The following UBXN11 variants were observed in gnomAD, a reference collection of about 807,000 sequenced individuals.
UBXN11 encodes UBX domain-containing protein 11.
Under a neutral mutation model 62.8 loss-of-function variants are expected in UBXN11, and 47 were observed. That is an observed-to-expected ratio of 0.75 (90% CI 0.59 to 0.95). UBXN11 has a LOEUF of 0.95. Ranked by LOEUF, UBXN11 falls within the 40% of genes least tolerant of loss-of-function variation. The pLI, the probability that UBXN11 is intolerant of heterozygous loss-of-function variation, is 0.00. For missense variants in UBXN11, 638 were observed against 661.7 expected (o/e 0.96, Z 0.39); for synonymous variants, 294 against 267.0 (o/e 1.10, Z -0.99).
In UBXN11 at chr1:26,285,431, C is replaced by T. The variant is rs145375355; in HGVS notation, c.852+33G>A. On this transcript the variant is annotated intron_variant, in intron 10 of 14. Transcript: ENST00000374222. ...GTGTATCCCCACTCCCTTCAAAATC[C>T]CCAAAGGTGTGGTTTGAGGAGCAGC... 4 of 1,603,360 alleles carry T rather than the reference C, an allele frequency of 2.5e-6. No individual in the cohort carries two copies. In the South Asian group the frequency reaches 4.5e-5, roughly 18 times the overall value.
At chr1:26,287,065 C>T (rs1406495861) in intron 8 of UBXN11, among the ~76,000 whole-genome samples, 1 of 152,004 alleles carries the variant, frequency 6.6e-6, no homozygotes, top group African/African-American at 2.4e-5. Flanking sequence ...AAAAATGACT[C>T]GTCCCAAGCC....
In UBXN11 at chr1:26,301,205, A is replaced by G. The variant is rs546488733; in HGVS notation, c.101-181T>C. On this transcript the variant is annotated intron_variant, in intron 3 of 14. Transcript: ENST00000374222. Reference sequence around the variant, plus strand: ...AATGGGGCTGTTTTGGAGTTCTTCCAGTCCTGCTCCCAGGGGGACTGGCAT... The same window carrying G: ...AATGGGGCTGTTTTGGAGTTCTTCCGGTCCTGCTCCCAGGGGGACTGGCAT... Among the ~76,000 whole-genome samples, 5 of 152,348 alleles carry G rather than the reference A, an allele frequency of 3.3e-5. No individual in the cohort carries two copies. The East Asian group carries it at 9.6e-4, about 29-fold the overall frequency.
Position 26,317,563 on chromosome 1 carries a change from A to G in UBXN11, c.-149+484T>C, listed in dbSNP as rs372314943. 8.7e-4 allele frequency among the ~76,000 whole-genome samples: 97 copies of G among 111,496 alleles called. 1 individual carries two copies. Among genetic ancestry groups the G allele is most frequent in the African/African-American group, 3.5e-3 (92 of 26,130 alleles). The allele number at this position is 111,496 out of a possible 152,430, so 73.1% of individuals were successfully genotyped here. A position where few individuals can be genotyped will look rare whatever the true frequency, so the allele number is the denominator to read the frequency against. On this transcript the variant is annotated intron_variant, in intron 1 of 14. Transcript: ENST00000374217. ...TAAACAACAAACTCATTTACGGAAT[A>G]TCTGCTATGTTCTGGCTCTTTTTAA... is the stretch of plus-strand genomic sequence containing the variant.
chr1:26,300,913 C>T lies in UBXN11; in HGVS notation c.199+13G>A, dbSNP rs1276167695. 2.5e-6 allele frequency: 4 copies of T among 1,614,100 alleles called. No individual in the cohort carries two copies. The highest frequency in any genetic ancestry group is 1.1e-5 in the South Asian group (1 of 91,096). On this transcript the variant is annotated intron_variant, in intron 4 of 14. Coordinates refer to ENST00000374222, the MANE Select transcript of UBXN11 (RefSeq NM_001389556.1). ...GCAGCCAGGACCCAGACCCTTCAGG[C>T]CTCTGCTCTCACCTTGCCGACTCAC... is the stretch of plus-strand genomic sequence containing the variant.
upstream of UBXN11, among the ~76,000 whole-genome samples, chr1:26,308,541 C>T (rs1456234307): frequency 6.6e-6 from 1 of 152,136 alleles, no homozygotes; most frequent in Non-Finnish European, 1.5e-5. Flanking sequence ...ATAGGAAGAG[C>T]TCTCTTGTTG....
At chr1:26,303,408 T>C (rs930647750) in intron 1 of UBXN11, among the ~76,000 whole-genome samples, 2 of 151,996 alleles carry the variant, frequency 1.3e-5, no homozygotes, top group Non-Finnish European at 2.9e-5. Flanking sequence ...GTGGATCGCC[T>C]GAGGTCAGTG....
intron 4 of UBXN11, among the ~76,000 whole-genome samples, chr1:26,298,731 C>G (rs1415615340): frequency 1.4e-5 from 2 of 145,990 alleles, no homozygotes; most frequent in African/African-American, 5.1e-5. Flanking sequence ...GAGCCAAGAT[C>G]GCACCACTGC....
chr1:26,306,826 G>GGC (rs1320853728), upstream of UBXN11: 1 of 79,336 alleles, frequency 1.3e-5, no homozygotes, highest in Non-Finnish European at 2.8e-5. Context: ...GTCCGGGGCG[G>GGC]GGTGGGGGGG....
chr1:26,317,161 A>G (rs1285848266), intron 1 of UBXN11, among the ~76,000 whole-genome samples: 1 of 152,032 alleles, frequency 6.6e-6, no homozygotes, highest in Non-Finnish European at 1.5e-5. Context: ...TAATTGCTTG[A>G]ACCCAGGAGG....
intron 9 of UBXN11, 75 bp from the exon 10 acceptor site, chr1:26,285,616 C>T: frequency 2.1e-6 from 3 of 1,445,126 alleles, no homozygotes; most frequent in East Asian, 2.4e-5. Flanking sequence ...GTCTGGATGG[C>T]AGGCCCTAGA....
chr1:26,304,568 C>T (rs1377080775), intron 1 of UBXN11, among the ~76,000 whole-genome samples: 5 of 152,190 alleles, frequency 3.3e-5, no homozygotes, highest in South Asian at 4.1e-4. Flanking sequence ...GCCTGACCAA[C>T]GTGGCAAAAC....
intron 6 of UBXN11, 61 bp downstream of exon 6, chr1:26,297,366 C>T: frequency 1.4e-6 from 2 of 1,468,820 alleles, no homozygotes; most frequent in Non-Finnish European, 9.0e-7. Flanking sequence ...CTTCCAGGAG[C>T]CCTGGGCCCA....
At chr1:26,313,833 T>A (rs1570148889) in intron 1 of UBXN11, among the ~76,000 whole-genome samples, 1 of 148,746 alleles carries the variant, frequency 6.7e-6, no homozygotes, top group Admixed American at 6.9e-5. Flanking sequence ...CAGGCTGGAG[T>A]GCAGTGGCAC....
At position 26,282,405 on chromosome 1, in the gene UBXN11, C is replaced by A; in HGVS notation, c.1457G>T (p.Cys486Phe). 2 of 1,235,592 alleles carry A rather than the reference C, an allele frequency of 1.6e-6. No individual in the cohort carries two copies. The highest frequency in any genetic ancestry group is 2.1e-6 in the Non-Finnish European group (2 of 940,436). 76.5% of individuals were successfully genotyped at this position (1,235,592 alleles called of 1,614,324 possible). A position where few individuals can be genotyped will look rare whatever the true frequency, so the allele number is the denominator to read the frequency against. The change falls in exon 15 of 15, where the codon TGT becomes TTT. Residue 486 changes from cysteine (C) to phenylalanine (F), a missense_variant. Transcript: ENST00000374222. ...ACTGGGGCCGGGACCGGGACCGGGA[C>A]AGGGACCAGGACTGAATTTCAGGCT... ...KSSLKFSPGP[C>F]PGPGPGPSPG... is the part of the protein sequence containing the mutation.
intron 8 of UBXN11, among the ~76,000 whole-genome samples, chr1:26,291,399 A>T (rs2073262596): frequency 6.6e-6 from 1 of 152,194 alleles, no homozygotes; most frequent in Non-Finnish European, 1.5e-5. Flanking sequence ...ATCAAAGAAC[A>T]AAAGAAGGAA....
exon 1 of UBXN11, chr1:26,318,149 C>G: frequency 1.7e-6 from 2 of 1,206,494 alleles, no homozygotes; most frequent in Non-Finnish European, 2.5e-6. Context: ...AGGATGTGAG[C>G]TCCCAGAGAC....
At chr1:26,292,675 G>A (rs1192433684) in intron 8 of UBXN11, among the ~76,000 whole-genome samples, 9 of 151,926 alleles carry the variant, frequency 5.9e-5, no homozygotes, top group Admixed American at 2.6e-4. Flanking sequence ...CCAACATGGC[G>A]AAACGCTGTC....
At chr1:26,286,143 C>G in intron 8 of UBXN11, 106 bp from the exon 9 acceptor site, 1 of 985,684 alleles carries the variant, frequency 1.0e-6, no homozygotes, top group South Asian at 1.9e-5. Context: ...CTTAATGTCT[C>G]CTTAACTGAC....
chr1:26,282,309 C>G lies in UBXN11; in HGVS notation c.1553G>C (p.Ser518Thr). ...GAGGGGGCGGGTGCTTTATTGGGGG[C>G]TGGGACTGGGTCCAGGACAGGGACT... is the stretch of plus-strand genomic sequence containing the variant. ...GPSPCPGPSP[S>T]PQ The change falls in exon 15 of 15, where the codon AGC becomes ACC. Residue 518 changes from serine (S) to threonine (T), a missense_variant. Coordinates refer to ENST00000374222, the MANE Select transcript of UBXN11 (RefSeq NM_001389556.1). 6.8e-7 allele frequency: 1 copy of G among 1,471,870 alleles called. No individual in the cohort carries two copies. Among genetic ancestry groups the G allele is most frequent in the South Asian group, 1.4e-5 (1 of 73,146 alleles). The allele number at this position is 1,471,870 out of a possible 1,614,324, so 91.2% of individuals were successfully genotyped here.
Sources: gnomAD v4.1 joint callset for allele counts (sites outside exome capture counted in the v4.1 genomes callset) on GRCh38, gnomAD v4.1.1 for gene constraint, MANE v1.5 for transcripts, NCBI Gene and HGNC (gene_info 2026-07-23, HGNC 2026-07-21) for gene names.